Variants in ZNF572 observed in about 807,000 individuals in gnomAD.
ZNF572 encodes the protein zinc finger protein 572.
In ZNF572, 2 loss-of-function variants were observed where a neutral mutation model predicts 3.8. The observed-to-expected ratio is 0.52, with a 90% CI of 0.21 to 1.65. The LOEUF (loss-of-function observed/expected upper bound fraction) is 1.65. Ranked by LOEUF, ZNF572 falls within the 40% of genes most tolerant of loss-of-function variation. ZNF572 has a pLI of 0.20. For missense variants in ZNF572, 581 were observed against 633.4 expected (o/e 0.92, Z 0.89); for synonymous variants, 187 against 204.5 (o/e 0.91, Z 0.73).
chr8:124,975,570 C>G (rs1452147242), intron 1 of ZNF572, 36 bp from the exon 2 acceptor site: 3 of 1,293,130 alleles, frequency 2.3e-6, no homozygotes, highest in Non-Finnish European at 3.4e-6. Flanking sequence ...TAAGCTTTAA[C>G]AAATACCTCC....
Position 124,977,493 on chromosome 8 carries a change from G to C in ZNF572, c.1225G>C (p.Glu409Gln), listed in dbSNP as rs1168886809. The change falls in exon 3 of 3, where the codon GAA (glutamate) becomes CAA (glutamine). Residue 409 changes from glutamate to glutamine, a missense_variant. Coordinates refer to ENST00000319286, the MANE Select transcript of ZNF572 (RefSeq NM_152412.3). ...TAGACATCAGAGAACACATACAGGA[G>C]AAAAACCTTACAGATGTTCTGAGTG... ...LIRHQRTHTG[E>Q]KPYRCSECWK... 6.2e-7 allele frequency: 1 copy of C among 1,614,158 alleles called. No individual in the cohort carries two copies.
chr8:124,974,065 G>T (rs1245452490), intron 1 of ZNF572, among the ~76,000 whole-genome samples: 3 of 152,116 alleles, frequency 2.0e-5, no homozygotes, highest in African/African-American at 7.2e-5. Flanking sequence ...AAACACTGGG[G>T]ATATTAGTAA....
intron 2 of ZNF572, among the ~76,000 whole-genome samples, chr8:124,976,060 T>C (rs750114857): frequency 9.9e-5 from 15 of 152,236 alleles, no homozygotes; most frequent in Non-Finnish European, 1.9e-4. Flanking sequence ...AATCCTGTTT[T>C]TTCTCTTAAG....
At chr8:124,973,776 C>A (rs1342829811) in intron 1 of ZNF572, among the ~76,000 whole-genome samples, 2 of 152,182 alleles carry the variant, frequency 1.3e-5, no homozygotes, top group Non-Finnish European at 1.5e-5. Flanking sequence ...CACTCCTTCC[C>A]CGTGGAGAGA....
At position 124,977,887 on chromosome 8, in the gene ZNF572, T is replaced by G. The variant is rs763438935; in HGVS notation, c.*29T>G. On this transcript the variant is annotated 3_prime_UTR_variant, in exon 3 of 3. Coordinates refer to ENST00000319286, the MANE Select transcript of ZNF572 (RefSeq NM_152412.3). ...CCAAAGCCTGGTTGGTGATGGTTTT[T>G]TCTTCCTTGTTGGACCATGACAATT... The G allele has an allele frequency of 6.5e-7, 1 of 1,531,238 alleles. No individual in the cohort carries two copies. Among genetic ancestry groups the G allele is most frequent in the Non-Finnish European group, 8.8e-7 (1 of 1,142,328 alleles). 94.9% of individuals were successfully genotyped at this position (1,531,238 alleles called of 1,614,324 possible).
In ZNF572 at chr8:124,976,595, G is replaced by T; in HGVS notation, c.327G>T (p.Gln109His). 6.2e-7 allele frequency: 1 copy of T among 1,614,150 alleles called. No homozygotes were observed. The highest frequency in any genetic ancestry group is 8.5e-7 in the Non-Finnish European group (1 of 1,180,020). Reference sequence around the variant, plus strand: ...AAGAGGAGGAAAAACCCAATCACCAGGAATGGGACTCAGGAGAACATACCA... The same window carrying T: ...AAGAGGAGGAAAAACCCAATCACCATGAATGGGACTCAGGAGAACATACCA... Reference protein sequence around the residue: ...IAKEEEKPNHQEWDSGEHTNA... With the variant: ...IAKEEEKPNHHEWDSGEHTNA... The change falls in exon 3 of 3, where the codon CAG (glutamine) becomes CAT (histidine). Residue 109 changes from glutamine (Q) to histidine (H), a missense_variant. By Grantham distance (24) the Gln-to-His change is conservative (BLOSUM62 0). Coordinates refer to ENST00000319286, the MANE Select transcript of ZNF572 (RefSeq NM_152412.3).
Position 124,977,927 on chromosome 8 carries a change from T to C in ZNF572, c.*69T>C. On this transcript the variant is annotated 3_prime_UTR_variant, in exon 3 of 3. Coordinates refer to ENST00000319286, the MANE Select transcript of ZNF572 (RefSeq NM_152412.3). ...CCATGACAATTTAGGTATTCTGTGA[T>C]TGTTGTGCTATAAAGTTTCTTTGAT... The C allele has an allele frequency of 1.4e-5, 21 of 1,471,010 alleles. No homozygotes were observed. The highest frequency in any genetic ancestry group is 2.3e-5 in the East Asian group (1 of 43,750). The allele number at this position is 1,471,010 out of a possible 1,614,324, so 91.1% of individuals were successfully genotyped here.
Position 124,973,381 on chromosome 8 carries a change from G to A in ZNF572, c.-71G>A, listed in dbSNP as rs903299568. ...GGGGTACCTTCCTCCCGGACCGCTG[G>A]GGGTGCAGGGCGCCTTGGGTGTAGC... On this transcript the variant is annotated 5_prime_UTR_variant, in exon 1 of 3. Transcript: ENST00000319286. 1.3e-5 allele frequency: 2 copies of A among 152,422 alleles called. No individual in the cohort carries two copies. The highest frequency in any genetic ancestry group is 4.8e-5 in the African/African-American group (2 of 41,448). 9.4% of individuals were successfully genotyped at this position (152,422 alleles called of 1,614,324 possible). A position where few individuals can be genotyped will look rare whatever the true frequency, so the allele number is the denominator to read the frequency against.
chr8:124,975,519 C>T, intron 1 of ZNF572, 87 bp from the exon 2 acceptor site: 1 of 745,290 alleles, frequency 1.3e-6, no homozygotes, highest in Non-Finnish European at 2.3e-6. Context: ...TCTATGCCTC[C>T]TATTGTTGTG....
chr8:124,975,645 A>G lies in ZNF572; in HGVS notation c.5A>G (p.Glu2Gly). Residue 2 changes from glutamate to glycine, a missense_variant, in exon 2 of 3, where the codon GAG becomes GGG. Glu to Gly is a moderately conservative substitution (Grantham distance 98). Coordinates refer to ENST00000319286, the MANE Select transcript of ZNF572 (RefSeq NM_152412.3). ...AACTTGGCTGTGATCATTGTGATGGAGCAAGAAAAAAAACTGTTGGTCTCA... is the reference window on the plus strand; with the variant it reads ...AACTTGGCTGTGATCATTGTGATGGGGCAAGAAAAAAAACTGTTGGTCTCA... M[E>G]QEKKLLVSDS... is the part of the protein sequence containing the mutation. The G allele has an allele frequency of 6.2e-7, 1 of 1,613,774 alleles. No individual in the cohort carries two copies. Among genetic ancestry groups the G allele is most frequent in the Non-Finnish European group, 8.5e-7 (1 of 1,179,772 alleles).
At chr8:124,974,007 C>T (rs1295226025) in intron 1 of ZNF572, among the ~76,000 whole-genome samples, 2 of 152,148 alleles carry the variant, frequency 1.3e-5, no homozygotes, top group Non-Finnish European at 2.9e-5. Context: ...ACTCCACCCC[C>T]TTCCTTTTTT....
In ZNF572 at chr8:124,975,629, G is replaced by A. The variant is rs765293920; in HGVS notation, c.-12G>A. 1.2e-6 allele frequency: 2 copies of A among 1,610,452 alleles called. No individual in the cohort carries two copies. Among genetic ancestry groups the A allele is most frequent in the South Asian group, 1.1e-5 (1 of 90,982 alleles). On this transcript the variant is annotated 5_prime_UTR_variant, in exon 2 of 3. In the 5' UTR this introduces an upstream ATG that the reference lacks. Transcript: ENST00000319286. ...AGGGTTTCTGATCTCTAACTTGGCT[G>A]TGATCATTGTGATGGAGCAAGAAAA...
chr8:124,977,684 C>T lies in ZNF572; in HGVS notation c.1416C>T (p.Ser472=). ...GGGAAAAACCTTACAAATGTACCAG[C>T]TGTGAGAAATGCTTCAGCAGAAGTG... ...HIGEKPYKCT[S]CEKCFSRSAY... Residue 472 remains serine (S), a synonymous_variant, in exon 3 of 3, where the codon AGC becomes AGT. Transcript: ENST00000319286. The T allele has an allele frequency of 6.2e-7, 1 of 1,614,210 alleles. No homozygotes were observed. The highest frequency in any genetic ancestry group is 8.5e-7 in the Non-Finnish European group (1 of 1,180,034).
At chr8:124,974,048 C>A (rs368306597) in intron 1 of ZNF572, among the ~76,000 whole-genome samples, 2 of 152,282 alleles carry the variant, frequency 1.3e-5, no homozygotes, top group South Asian at 4.1e-4. Flanking sequence ...TTTCTCCCCC[C>A]CAACTCAAAC....
rs1030495115 is a variant in ZNF572, at chr8:124,978,120, A to C, written c.*262A>C. ...GATAGTAATAGCTTCAAAAGAACAC[A>C]TACAGAGTAATCCTGAGAGTAAGCA... On this transcript the variant is annotated 3_prime_UTR_variant, in exon 3 of 3. Transcript: ENST00000319286. The C allele has an allele frequency of 2.4e-6, 1 of 412,194 alleles. No individual in the cohort carries two copies. The highest frequency in any genetic ancestry group is 4.3e-6 in the Non-Finnish European group (1 of 234,534). 25.5% of individuals were successfully genotyped at this position (412,194 alleles called of 1,614,324 possible). A position where few individuals can be genotyped will look rare whatever the true frequency, so the allele number is the denominator to read the frequency against.
Position 124,977,697 on chromosome 8 carries a change from T to G in ZNF572, c.1429T>G (p.Phe477Val). 1 of 1,614,234 alleles carries G rather than the reference T, an allele frequency of 6.2e-7. No individual in the cohort carries two copies. Among genetic ancestry groups the G allele is most frequent in the Non-Finnish European group, 8.5e-7 (1 of 1,180,028 alleles). ...CAAATGTACCAGCTGTGAGAAATGCTTCAGCAGAAGTGCCTACCTCAGTCA... is the reference window on the plus strand; with the variant it reads ...CAAATGTACCAGCTGTGAGAAATGCGTCAGCAGAAGTGCCTACCTCAGTCA... ...PYKCTSCEKC[F>V]SRSAYLSQHR... Residue 477 changes from phenylalanine to valine, a missense_variant, in exon 3 of 3, where the codon TTC becomes GTC. Coordinates refer to ENST00000319286, the MANE Select transcript of ZNF572 (RefSeq NM_152412.3).
intron 1 of ZNF572, among the ~76,000 whole-genome samples, chr8:124,974,643 C>G (rs1814481875): frequency 6.6e-6 from 1 of 152,090 alleles, no homozygotes; most frequent in South Asian, 2.1e-4. Context: ...GTCCATATGT[C>G]ACTGCCTTCC....
rs1421825418 is a variant in ZNF572 at position 124,977,409 on chromosome 8, G to A, written c.1141G>A (p.Glu381Lys). The A allele has an allele frequency of 6.2e-7, 1 of 1,614,190 alleles. No homozygotes were observed. Among genetic ancestry groups the A allele is most frequent in the Non-Finnish European group, 8.5e-7 (1 of 1,180,030 alleles). The change falls in exon 3 of 3, where the codon GAG (glutamate) becomes AAG (lysine). Residue 381 changes from glutamate (E) to lysine (K), a missense_variant. By Grantham distance (56) the Glu-to-Lys change is moderately conservative. Transcript: ENST00000319286. ...VIEECRIQLG[E>K]KPYRCCECGK... ...AGAAGAATGCAGAATCCAGTTAGGA[G>A]AGAAACCATATAGATGTTGTGAATG...
At chr8:124,976,136 A>T (rs1157435895) in intron 2 of ZNF572, among the ~76,000 whole-genome samples, 1 of 152,214 alleles carries the variant, frequency 6.6e-6, no homozygotes, top group African/African-American at 2.4e-5. Context: ...TAATGATTCA[A>T]ATAATTCATT....
Sources: gnomAD v4.1 joint callset for allele counts (sites outside exome capture counted in the v4.1 genomes callset) on GRCh38, gnomAD v4.1.1 for gene constraint, MANE v1.5 for transcripts, NCBI Gene and HGNC (gene_info 2026-07-23, HGNC 2026-07-21) for gene names.